Variants in PIK3C2G observed in about 807,000 individuals in gnomAD.
The protein encoded by PIK3C2G is phosphatidylinositol-4-phosphate 3-kinase catalytic subunit type 2 gamma.
In PIK3C2G, 168 loss-of-function variants were observed where a neutral mutation model predicts 181.1. The observed-to-expected ratio is 0.93, with a 90% confidence interval of 0.82 to 1.05. The LOEUF is 1.05. Among genes scored for constraint, PIK3C2G ranks in the 50% least tolerant of loss-of-function variants. PIK3C2G has a pLI of 0.00. For synonymous variants in PIK3C2G, 573 were observed against 592.2 expected (o/e 0.97, Z 0.47); for missense variants, 1,869 against 1,732.8 (o/e 1.08, Z -1.40).
chr12:18,716,408 G>A, the PIK3C2G span, among the ~76,000 whole-genome samples: 1 of 152,310 alleles, frequency 6.6e-6, no homozygotes, highest in Non-Finnish European at 1.5e-5. Flanking sequence ...CCAGCAAAAT[G>A]TTTTCAGTGA....
intron 18 of PIK3C2G, among the ~76,000 whole-genome samples, chr12:18,450,314 T>A (rs1947278621): frequency 6.6e-6 from 1 of 151,984 alleles, no homozygotes; most frequent in Non-Finnish European, 1.5e-5. Context: ...TTAGTAGAGA[T>A]GAGGTTTCAC....
chr12:18,598,880 A>G (rs1213798983), intron 30 of PIK3C2G, among the ~76,000 whole-genome samples: 1 of 151,952 alleles, frequency 6.6e-6, no homozygotes, highest in African/African-American at 2.4e-5. Flanking sequence ...TTATGCAGCC[A>G]AAAAACACAT....
intron 24 of PIK3C2G, among the ~76,000 whole-genome samples, chr12:18,521,199 C>T (rs1473558773): frequency 2.0e-5 from 3 of 152,186 alleles, no homozygotes; most frequent in East Asian, 3.9e-4. Context: ...TGTCTGACAA[C>T]CTCTGTTGGA....
chr12:18,436,670 C>G (rs1223870254), intron 18 of PIK3C2G, among the ~76,000 whole-genome samples: 1 of 151,934 alleles, frequency 6.6e-6, no homozygotes, highest in African/African-American at 2.4e-5. Context: ...GACTACTATC[C>G]TTAGAACAGC....
chr12:18,594,427 T>C, intron 29 of PIK3C2G, 67 bp from the exon 30 acceptor site: 1 of 875,986 alleles, frequency 1.1e-6, no homozygotes, highest in East Asian at 3.0e-5. Context: ...GGCAATTTTA[T>C]GTAATAATGA....
At position 18,381,855 on chromosome 12, in the gene PIK3C2G, G is replaced by A. The variant is rs576004722; in HGVS notation, c.1970G>A (p.Ser657Asn). The change falls in exon 14 of 33, where the codon AGT (serine) becomes AAT (asparagine). Residue 657 changes from serine (S) to asparagine (N), a missense_variant. Transcript: ENST00000538779. ...ATAACTCCAGGAGTGTGGGATGTAA[G>A]TCAGCCATCCCCGGTGACCCTGCAG... ...EMITPGVWDV[S>N]QPSPVTLQID... The A allele has an allele frequency of 6.2e-7, 1 of 1,612,644 alleles. No homozygotes were observed. Among genetic ancestry groups the A allele is most frequent in the East Asian group, 2.2e-5 (1 of 44,862 alleles).
At chr12:18,595,713 G>A (rs572135455) in intron 30 of PIK3C2G, among the ~76,000 whole-genome samples, 1 of 152,236 alleles carries the variant, frequency 6.6e-6, no homozygotes, top group African/African-American at 2.4e-5. Context: ...GTCACACAGG[G>A]CAGGGTGCTT....
the PIK3C2G span, among the ~76,000 whole-genome samples, chr12:18,680,479 C>A: frequency 1.3e-5 from 2 of 152,056 alleles, no homozygotes; most frequent in Non-Finnish European, 2.9e-5. Flanking sequence ...ACCAGCCTGT[C>A]ATTTACCTCC....
At chr12:18,701,916 CT>C in the PIK3C2G span, 1 of 1,213,022 alleles carries the variant, frequency 8.2e-7, no homozygotes, top group Non-Finnish European at 1.1e-6. Flanking sequence ...TCCCATACCC[CT>C]ATTCACATCT....
chr12:18,412,925 C>T (rs191692996), intron 16 of PIK3C2G, among the ~76,000 whole-genome samples: 2 of 152,182 alleles, frequency 1.3e-5, no homozygotes, highest in African/African-American at 4.8e-5. Flanking sequence ...TTTGCTTGGC[C>T]CTCCATTTTG....
chr12:18,382,937 T>C (rs1942935392), intron 14 of PIK3C2G, among the ~76,000 whole-genome samples: 1 of 152,122 alleles, frequency 6.6e-6, no homozygotes, highest in South Asian at 2.1e-4. Context: ...ATCACACTCT[T>C]GCAGAGGAAG....
chr12:18,692,997 A>C, the PIK3C2G span: 3 of 1,405,190 alleles, frequency 2.1e-6, no homozygotes, highest in South Asian at 3.5e-5. Context: ...CTATCTTCTC[A>C]TGGAGGAAGA....
intron 1 of PIK3C2G, among the ~76,000 whole-genome samples, chr12:18,255,342 C>T (rs1268835639): frequency 2.6e-5 from 4 of 152,088 alleles, no homozygotes; most frequent in Middle Eastern, 3.4e-3. Flanking sequence ...TTTTTAAGAA[C>T]AATAATTACT....
chr12:18,668,116 A>C, the PIK3C2G span, among the ~76,000 whole-genome samples: 5 of 152,152 alleles, frequency 3.3e-5, no homozygotes, highest in African/African-American at 4.8e-5. Flanking sequence ...CTTAGCCCCA[A>C]CTTGTATTAT....
intron 5 of PIK3C2G, among the ~76,000 whole-genome samples, chr12:18,307,957 TAAAG>T (rs1384146465): frequency 2.6e-5 from 4 of 152,010 alleles, no homozygotes; most frequent in East Asian, 3.9e-4. Context: ...GTAATCAAAA[TAAAG>T]AAAATCATTG....
At chr12:18,527,147 A>AT in intron 24 of PIK3C2G, among the ~76,000 whole-genome samples, 1 of 152,260 alleles carries the variant, frequency 6.6e-6, no homozygotes, top group Middle Eastern at 3.4e-3. Context: ...CAAAGCAAGC[A>AT]TAAGATGGAA....
upstream of PIK3C2G, among the ~76,000 whole-genome samples, chr12:18,259,002 C>A (rs1435639185): frequency 1.3e-5 from 2 of 152,094 alleles, no homozygotes; most frequent in Non-Finnish European, 2.9e-5. Context: ...CTTTCTCTGG[C>A]AGTTTCCTAT....
chr12:18,623,245 T>G (rs138068411), intron 31 of PIK3C2G, among the ~76,000 whole-genome samples: 4 of 151,960 alleles, frequency 2.6e-5, no homozygotes, highest in African/African-American at 7.2e-5. Flanking sequence ...AGGGTTCAAT[T>G]TTATTCTTTT....
chr12:18,408,114 A>G (rs1944641478), intron 16 of PIK3C2G, among the ~76,000 whole-genome samples: 1 of 152,114 alleles, frequency 6.6e-6, no homozygotes, highest in Non-Finnish European at 1.5e-5. Flanking sequence ...GCAAAAATAA[A>G]TGAGCTTCCA....
Sources: gnomAD v4.1 joint callset for allele counts (sites outside exome capture counted in the v4.1 genomes callset) on GRCh38, gnomAD v4.1.1 for gene constraint, MANE v1.5 for transcripts, NCBI Gene and HGNC (gene_info 2026-07-23, HGNC 2026-07-21) for gene names.